ZNF438: variants seen among roughly 807,000 people sequenced by gnomAD.
The protein encoded by ZNF438 is zinc finger protein 438.
Under a neutral mutation model 38.0 loss-of-function variants are expected in ZNF438, and 25 were observed. The ratio of observed to expected loss-of-function variants is 0.66; its 90% CI spans 0.48 to 0.92. The LOEUF is 0.92. Ranked by LOEUF, ZNF438 falls within the 40% of genes least tolerant of loss-of-function variation. ZNF438 has a pLI of 0.00. For missense variants in ZNF438, 1,007 were observed against 999.6 expected (o/e 1.01, Z -0.10); for synonymous variants, 372 against 364.1 (o/e 1.02, Z -0.25).
At chr10:30,850,404 T>C in intron 4 of ZNF438, 37 bp from the exon 6 acceptor site, 3 of 1,577,978 alleles carry the variant, frequency 1.9e-6, no homozygotes, top group East Asian at 2.2e-5. Flanking sequence ...TTACTGTATG[T>C]AACTGTTCTG....
chr10:30,855,014 G>A (rs763847689), intron 4 of ZNF438, among the ~76,000 whole-genome samples: 9 of 152,144 alleles, frequency 5.9e-5, no homozygotes, highest in Non-Finnish European at 1.0e-4. Context: ...TGACAGTTAA[G>A]GTTTCCAGAA....
At chr10:30,874,110 GTGTGTATATATATATATATATATATA>G (rs1327567967) in intron 4 of ZNF438, among the ~76,000 whole-genome samples, 48 of 31,650 alleles carry the variant, frequency 1.5e-3, no homozygotes, top group African/African-American at 7.8e-3. Context: ...GGGGGTGTGT[GTGTGTATATATATATATATATATATA>G]TATATATATA....
chr10:31,030,814 T>C (rs1341092404), intron 1 of ZNF438, among the ~76,000 whole-genome samples: 1 of 152,240 alleles, frequency 6.6e-6, no homozygotes, highest in Non-Finnish European at 1.5e-5. Flanking sequence ...TATAGTCTAG[T>C]AATAACTAAT....
At chr10:30,860,092 C>T (rs1383095912) in intron 4 of ZNF438, among the ~76,000 whole-genome samples, 1 of 152,052 alleles carries the variant, frequency 6.6e-6, no homozygotes, top group Non-Finnish European at 1.5e-5. Flanking sequence ...CAAAGCCAAC[C>T]ATAAAACCTG....
intron 5 of ZNF438, among the ~76,000 whole-genome samples, chr10:30,845,997 C>T (rs937367783): frequency 7.2e-5 from 11 of 152,192 alleles, no homozygotes; most frequent in Non-Finnish European, 1.0e-4. Context: ...ACCTTCTATT[C>T]AATTTTGGCT....
In ZNF438 at chr10:30,856,812, A is replaced by C. The variant is rs892212268; in HGVS notation, c.38-6445T>G. ...TTATTCAACAGGAATACTTAATATT[A>C]GGATCTTAAATATGGGCTGTTTTTA... On this transcript the variant is annotated intron_variant, in intron 4 of 5. Coordinates refer to ENST00000413025, the Ensembl canonical transcript of ZNF438. Among the ~76,000 whole-genome samples the C allele has an allele frequency of 1.3e-4, 20 of 152,368 alleles. No homozygotes were observed. In the East Asian group the frequency reaches 3.1e-3, roughly 23 times the overall value.
intron 2 of ZNF438, among the ~76,000 whole-genome samples, chr10:30,911,574 T>C (rs1178125884): frequency 6.6e-6 from 1 of 152,176 alleles, no homozygotes; most frequent in Admixed American, 6.5e-5. Flanking sequence ...CCTAAGTCTC[T>C]GTGTCCTACA....
intron 1 of ZNF438, among the ~76,000 whole-genome samples, chr10:30,977,781 G>A (rs147453969): frequency 1.6e-3 from 245 of 151,962 alleles, no homozygotes; most frequent in African/African-American, 5.8e-3. Flanking sequence ...TCAGGAGTTC[G>A]AGACTAGCCT....
At chr10:30,897,815 G>C (rs2041532502) in intron 3 of ZNF438, among the ~76,000 whole-genome samples, 3 of 152,116 alleles carry the variant, frequency 2.0e-5, no homozygotes, top group Admixed American at 2.0e-4. Flanking sequence ...GGGCACACAG[G>C]GCCTTGTGGG....
At chr10:31,021,113 G>A (rs1004925296) in intron 1 of ZNF438, among the ~76,000 whole-genome samples, 7 of 149,632 alleles carry the variant, frequency 4.7e-5, no homozygotes, top group Admixed American at 4.7e-4. Flanking sequence ...CTGGAGTGCA[G>A]TGGCGCAATC....
At chr10:30,917,671 G>A (rs551253262) in intron 2 of ZNF438, among the ~76,000 whole-genome samples, 69 of 152,092 alleles carry the variant, frequency 4.5e-4, no homozygotes, top group Non-Finnish European at 5.2e-4. Context: ...TGGTTGTTCC[G>A]CTTTTTGTTA....
intron 3 of ZNF438, among the ~76,000 whole-genome samples, chr10:30,877,719 G>C (rs183695758): frequency 6.6e-6 from 1 of 152,212 alleles, no homozygotes; most frequent in Admixed American, 6.5e-5. Flanking sequence ...TTTCCAAATT[G>C]TGTATAATGT....
At chr10:30,979,672 C>T (rs747820245) in intron 1 of ZNF438, among the ~76,000 whole-genome samples, 8 of 152,114 alleles carry the variant, frequency 5.3e-5, no homozygotes, top group Non-Finnish European at 5.9e-5. Context: ...GAGTTCAAGT[C>T]CTGGATATCC....
intron 1 of ZNF438, among the ~76,000 whole-genome samples, chr10:30,946,202 A>G (rs1312486803): frequency 1.3e-5 from 2 of 152,206 alleles, no homozygotes; most frequent in Non-Finnish European, 2.9e-5. Flanking sequence ...TTCAAGACGG[A>G]TTAAAGACTT....
chr10:30,926,120 C>G (rs774149002), intron 2 of ZNF438, among the ~76,000 whole-genome samples: 2 of 152,090 alleles, frequency 1.3e-5, no homozygotes, highest in Non-Finnish European at 2.9e-5. Context: ...GTGGTTGCCT[C>G]CAGAGGTTTA....
At chr10:30,905,489 T>C (rs550009871) in intron 3 of ZNF438, among the ~76,000 whole-genome samples, 2 of 152,346 alleles carry the variant, frequency 1.3e-5, no homozygotes, top group South Asian at 4.1e-4. Context: ...GTTCTTTATA[T>C]ATGTTGGATG....
intron 1 of ZNF438, among the ~76,000 whole-genome samples, chr10:30,988,597 G>A (rs1398767774): frequency 1.3e-5 from 2 of 152,124 alleles, no homozygotes; most frequent in Admixed American, 1.3e-4. Flanking sequence ...AGCTTTTACT[G>A]AGAATTATAT....
At chr10:30,920,883 A>G (rs941149623) in intron 2 of ZNF438, 2 of 152,252 alleles carry the variant, frequency 1.3e-5, no homozygotes, top group African/African-American at 2.4e-5. Flanking sequence ...AAAAAGGATT[A>G]TATGACATAT....
chr10:30,909,222 A>G (rs760000309), intron 2 of ZNF438, among the ~76,000 whole-genome samples: 5 of 152,224 alleles, frequency 3.3e-5, no homozygotes, highest in Non-Finnish European at 4.4e-5. Flanking sequence ...TTTTAAATAT[A>G]TACATGAATA....
Sources: gnomAD v4.1 joint callset for allele counts (sites outside exome capture counted in the v4.1 genomes callset) on GRCh38, gnomAD v4.1.1 for gene constraint, MANE v1.5 for transcripts, NCBI Gene and HGNC (gene_info 2026-07-23, HGNC 2026-07-21) for gene names.